PYGL: variants seen among roughly 807,000 people sequenced by gnomAD.
PYGL encodes the protein glycogen phosphorylase, liver form.
In PYGL, 90 loss-of-function variants were observed where a neutral mutation model predicts 100.1. The observed-to-expected ratio is 0.90, with a 90% confidence interval of 0.76 to 1.07. PYGL has a LOEUF of 1.07. PYGL is among the 50% of genes least tolerant of loss of function. The pLI is 0.00. For missense variants in PYGL, 1,016 were observed against 1,057.6 expected, an observed-to-expected ratio of 0.96 and a Z score of 0.55; for synonymous variants, 373 against 393.0, an observed-to-expected ratio of 0.95 and a Z score of 0.60.
intron 17 of PYGL, among the ~76,000 whole-genome samples, chr14:50,909,352 A>C (rs2050368337): frequency 1.3e-5 from 2 of 152,200 alleles, no homozygotes; most frequent in South Asian, 4.1e-4. Context: ...ACTGACTTCC[A>C]AGGGTCAGGA....
At position 50,936,791 on chromosome 14, in the gene PYGL, A is replaced by T. The variant is rs1345733822; in HGVS notation, c.345+945T>A. ...GCGTAACAGGACGAGACTCCGTCTC[A>T]AAAAAAAAAAAAAGTATGATATAAA... On this transcript the variant is annotated intron_variant, in intron 2 of 19. Coordinates refer to ENST00000216392, the MANE Select transcript of PYGL (RefSeq NM_002863.5). 1.2e-4 allele frequency among the ~76,000 whole-genome samples: 10 copies of T among 82,454 alleles called. No homozygotes were observed. The East Asian group carries it at 6.7e-3, about 55-fold the overall frequency. 54.1% of individuals were successfully genotyped at this position (82,454 alleles called of 152,430 possible). A position where few individuals can be genotyped will look rare whatever the true frequency, so the allele number is the denominator to read the frequency against.
intron 1 of PYGL, among the ~76,000 whole-genome samples, chr14:50,942,698 G>A (rs149540173): frequency 1.4e-5 from 2 of 139,166 alleles, no homozygotes; most frequent in Admixed American, 8.3e-5. Flanking sequence ...GTAGGAGCCT[G>A]TAGTCCCAGC....
Position 50,911,734 on chromosome 14 carries a change from T to C in PYGL, c.1965A>G (p.Glu655=). 6.2e-7 allele frequency: 1 copy of C among 1,614,204 alleles called. No individual in the cohort carries two copies. ...FLENYRVSLA[E]KVIPATDLSE... ...ATTTTGCAATGAGGGTAGTACCTTTTTCAGCAAGAGATACTCTGTAGTTCT... is the reference window on the plus strand; with the variant it reads ...ATTTTGCAATGAGGGTAGTACCTTTCTCAGCAAGAGATACTCTGTAGTTCT... Residue 655 remains glutamate, a synonymous_variant, in exon 16 of 20, where the codon GAA becomes GAG. Coordinates refer to ENST00000216392, the MANE Select transcript of PYGL (RefSeq NM_002863.5).
intron 4 of PYGL, among the ~76,000 whole-genome samples, chr14:50,928,970 C>A (rs1422415190): frequency 3.9e-5 from 6 of 152,168 alleles, no homozygotes; most frequent in Admixed American, 2.0e-4. Flanking sequence ...CCTTCTGATT[C>A]AATTTCAAGT....
intron 17 of PYGL, among the ~76,000 whole-genome samples, chr14:50,909,163 C>G (rs552342432): frequency 6.6e-6 from 1 of 152,040 alleles, no homozygotes; most frequent in East Asian, 1.9e-4. Context: ...TCCTTATAAC[C>G]AAAGACACTA....
intron 3 of PYGL, 79 bp from the exon 4 acceptor site, chr14:50,931,855 G>C (rs1467959446): frequency 1.4e-4 from 155 of 1,130,736 alleles, no homozygotes; most frequent in African/African-American, 1.5e-5. Flanking sequence ...AAAACACATG[G>C]CAGCCACAAA....
At chr14:50,925,068 G>T (rs753043514) in intron 4 of PYGL, among the ~76,000 whole-genome samples, 1 of 152,184 alleles carries the variant, frequency 6.6e-6, no homozygotes, top group Admixed American at 6.5e-5. Context: ...ACATCACAGA[G>T]TGCACTTACA....
At chr14:50,926,131 A>G (rs1953872) in intron 4 of PYGL, among the ~76,000 whole-genome samples, 44,953 of 152,102 alleles carry the variant, frequency 0.3, 7,214 homozygotes, top group East Asian at 0.53. Flanking sequence ...CAGGAAGGTC[A>G]CTTGATCCCA....
At chr14:50,908,742 G>GT in intron 18 of PYGL, 79 bp downstream of exon 18, 2 of 1,510,004 alleles carry the variant, frequency 1.3e-6, no homozygotes, top group Non-Finnish European at 1.8e-6. Context: ...TTTCTTGTTG[G>GT]TTTTAGAGTT....
At chr14:50,914,965 C>T in intron 11 of PYGL, 150 bp from the exon 12 acceptor site, 1 of 696,720 alleles carries the variant, frequency 1.4e-6, no homozygotes, top group Non-Finnish European at 2.5e-6. Context: ...GTAGCTATGG[C>T]TGTCATTTAA....
At chr14:50,912,885 C>G in intron 13 of PYGL, 144 bp downstream of exon 13, 2 of 696,860 alleles carry the variant, frequency 2.9e-6, no homozygotes, top group Non-Finnish European at 4.9e-6. Flanking sequence ...ACCTGGGAGG[C>G]GGAGGTTGCA....
chr14:50,909,850 G>T (rs186345168), intron 17 of PYGL, 45 bp downstream of exon 17: 48 of 1,601,918 alleles, frequency 3.0e-5, no homozygotes, highest in Non-Finnish European at 3.4e-5. Context: ...TACCTTCTAG[G>T]GGGGAGGGGC....
intron 8 of PYGL, 42 bp from the exon 9 acceptor site, chr14:50,916,776 C>T: frequency 6.3e-7 from 1 of 1,585,682 alleles, no homozygotes; most frequent in Middle Eastern, 1.7e-4. Context: ...ACGGATGGCT[C>T]AGGGTCTGGC....
intron 13 of PYGL, 88 bp downstream of exon 13, chr14:50,912,941 G>T: frequency 5.6e-6 from 7 of 1,250,758 alleles, no homozygotes; most frequent in Non-Finnish European, 8.1e-6. Context: ...GCAACAGAGC[G>T]AGACTCTGTC....
chr14:50,920,774 T>G, intron 6 of PYGL, 151 bp from the exon 7 acceptor site: 1 of 1,055,690 alleles, frequency 9.5e-7, no homozygotes, highest in Non-Finnish European at 1.4e-6. Context: ...ATGCTGGACT[T>G]CACATGAGAA....
At chr14:50,908,072 A>G (rs2050351473) in intron 19 of PYGL, 199 bp downstream of exon 19, 3 of 473,918 alleles carry the variant, frequency 6.3e-6, no homozygotes, top group African/African-American at 2.1e-5. Flanking sequence ...TCAAATCTCA[A>G]CCTTGGCCTG....
rs1195798248 is a variant in PYGL, at chr14:50,911,864, G to A, written c.1835C>T (p.Pro612Leu). 1 of 1,577,742 alleles carries A rather than the reference G, an allele frequency of 6.3e-7. No individual in the cohort carries two copies. The change falls in exon 16 of 20, where the codon CCA becomes CTA. Residue 612 changes from proline to leucine, a missense_variant. Physicochemically the swap from Pro to Leu is moderately conservative, Grantham distance 98 (BLOSUM62 -3). Coordinates refer to ENST00000216392, the MANE Select transcript of PYGL (RefSeq NM_002863.5). Reference sequence around the variant, plus strand: ...GATCATTTTGGCCATGTGATATCCTGGGGCAGCCTTTGGGGAAGAAGGTCA... The same window carrying A: ...GATCATTTTGGCCATGTGATATCCTAGGGCAGCCTTTGGGGAAGAAGGTCA... ...RTVIIGGKAA[P>L]GYHMAKMIIK...
chr14:50,920,819 C>G, intron 6 of PYGL, 137 bp downstream of exon 6: 1 of 1,031,620 alleles, frequency 9.7e-7, no homozygotes, highest in Non-Finnish European at 1.5e-6. Flanking sequence ...TTCCTCCATA[C>G]AATGCCTGCT....
At position 50,916,716 on chromosome 14, in the gene PYGL, C is replaced by T; in HGVS notation, c.1018G>A (p.Asp340Asn). ...FPDQVAIQLNDTHPALAIPEL... is the reference protein window; with the variant it reads ...FPDQVAIQLNNTHPALAIPEL... ...GGGATCGCGAGTGCAGGGTGAGTGT[C>T]ATTCAGCTGGATGGCCACCTGGGTG... Residue 340 changes from aspartate to asparagine, a missense_variant, in exon 9 of 20, where the codon GAC becomes AAC. Transcript: ENST00000216392. 1 of 1,614,100 alleles carries T rather than the reference C, an allele frequency of 6.2e-7. No individual in the cohort carries two copies. The highest frequency in any genetic ancestry group is 8.5e-7 in the Non-Finnish European group (1 of 1,179,942).
Sources: gnomAD v4.1 joint callset for allele counts (sites outside exome capture counted in the v4.1 genomes callset) on GRCh38, gnomAD v4.1.1 for gene constraint, MANE v1.5 for transcripts, NCBI Gene and HGNC (gene_info 2026-07-23, HGNC 2026-07-21) for gene names.